Variants in ERC2 observed in about 807,000 individuals in gnomAD.
The protein encoded by ERC2 is ERC protein 2.
A neutral mutation model predicts 114.8 loss-of-function variants in ERC2; 42 were observed. The observed-to-expected ratio is 0.37, with a 90% CI of 0.29 to 0.47. The LOEUF is 0.47. Among genes scored for constraint, ERC2 ranks in the 20% least tolerant of loss-of-function variants. The probability of loss-of-function intolerance (pLI) is 0.99; values close to 1 mark genes in which losing one functional copy is unlikely to be tolerated. For missense variants in ERC2, 939 were observed against 1,150.7 expected, an observed-to-expected ratio of 0.82 and a Z score of 2.66; for synonymous variants, 454 against 425.5, an observed-to-expected ratio of 1.07 and a Z score of -0.82.
At chr3:55,741,356 T>C (rs2065953923) in intron 14 of ERC2, among the ~76,000 whole-genome samples, 1 of 151,960 alleles carries the variant, frequency 6.6e-6, no homozygotes, top group African/African-American at 2.4e-5. Flanking sequence ...AAAACTAAAA[T>C]ACCACCAGTT....
At chr3:55,699,638 T>A in intron 15 of ERC2, 126 bp from the exon 16 acceptor site, 2 of 1,087,934 alleles carry the variant, frequency 1.8e-6, no homozygotes, top group Non-Finnish European at 2.5e-6. Context: ...TCACTGTTAG[T>A]CAAGTTGAAA....
In ERC2 at chr3:55,951,594, T is replaced by A. The variant is rs568201037; in HGVS notation, c.2268-1034A>T. ...GCAACCATGTCCACAGCAGCTGTCATAAATCTAATCCAACACATGAGGAGG... is the reference window on the plus strand; with the variant it reads ...GCAACCATGTCCACAGCAGCTGTCAAAAATCTAATCCAACACATGAGGAGG... On this transcript the variant is annotated intron_variant, in intron 12 of 17. Coordinates refer to ENST00000288221, the MANE Select transcript of ERC2 (RefSeq NM_015576.3). Among the ~76,000 whole-genome samples the A allele has an allele frequency of 8.6e-4, 131 of 152,238 alleles. 1 individual carries two copies. Among genetic ancestry groups the A allele is most frequent in the African/African-American group, 3.0e-3 (126 of 41,548 alleles).
chr3:55,623,416 G>T (rs1369828887), intron 17 of ERC2, among the ~76,000 whole-genome samples: 2 of 152,154 alleles, frequency 1.3e-5, no homozygotes, highest in Admixed American at 1.3e-4. Flanking sequence ...TCTCTTCAAA[G>T]AATCAGTATG....
chr3:55,681,676 T>C (rs1220958822), intron 17 of ERC2, among the ~76,000 whole-genome samples: 1 of 152,244 alleles, frequency 6.6e-6, no homozygotes, highest in East Asian at 1.9e-4. Flanking sequence ...TATTACAGCA[T>C]ACTAAAGTAG....
chr3:56,171,088 T>G (rs796225494), intron 4 of ERC2, among the ~76,000 whole-genome samples: 36 of 152,220 alleles, frequency 2.4e-4, no homozygotes, highest in African/African-American at 8.4e-4. Flanking sequence ...TAATTTTAAA[T>G]TCTATCAAGG....
At chr3:56,339,044 T>C (rs1404978748) in intron 2 of ERC2, among the ~76,000 whole-genome samples, 2 of 152,212 alleles carry the variant, frequency 1.3e-5, no homozygotes, top group Non-Finnish European at 2.9e-5. Context: ...GTTCCACCTC[T>C]GATGTCTTGA....
At chr3:56,145,625 C>T (rs1182336877) in intron 5 of ERC2, among the ~76,000 whole-genome samples, 1 of 152,160 alleles carries the variant, frequency 6.6e-6, no homozygotes, top group Non-Finnish European at 1.5e-5. Context: ...AGACAATGTT[C>T]ATGTGCCAAA....
chr3:55,561,372 G>A (rs2056005273), intron 17 of ERC2, among the ~76,000 whole-genome samples: 1 of 152,128 alleles, frequency 6.6e-6, no homozygotes, highest in Non-Finnish European at 1.5e-5. Context: ...ACCCCTCAGA[G>A]GCTGTGGGTG....
chr3:55,793,057 T>A (rs767321163), intron 14 of ERC2, among the ~76,000 whole-genome samples: 18 of 152,126 alleles, frequency 1.2e-4, no homozygotes, highest in Non-Finnish European at 1.8e-4. Flanking sequence ...GGATGCAATT[T>A]ATTTACTTAT....
chr3:56,018,930 A>C lies in ERC2; in HGVS notation c.1743T>G (p.Thr581=). 3.1e-6 allele frequency: 5 copies of C among 1,613,264 alleles called. No homozygotes were observed. The highest frequency in any genetic ancestry group is 4.2e-6 in the Non-Finnish European group (5 of 1,179,496). ...GAGCTTCCTCTAGCGTCGCCAGTGC[A>C]GTATCTGTATTACTGGAATCCGTCT... is the stretch of plus-strand genomic sequence containing the variant. ...SLQTDSSNTD[T]ALATLEEALS... Residue 581 remains threonine (T), a synonymous_variant, in exon 8 of 18, where the codon ACT becomes ACG. Transcript: ENST00000288221.
chr3:55,783,708 GA>G (rs5849109), intron 14 of ERC2, among the ~76,000 whole-genome samples: 10,335 of 150,952 alleles, frequency 0.068, 571 homozygotes, highest in African/African-American at 0.15. Flanking sequence ...TGAGAATATA[GA>G]AAAAAAAATA....
intron 15 of ERC2, among the ~76,000 whole-genome samples, chr3:55,730,752 G>C (rs1489350853): frequency 3.3e-5 from 5 of 152,204 alleles, no homozygotes; most frequent in African/African-American, 1.2e-4. Flanking sequence ...CATGCCTGCT[G>C]AGGTGGGAGG....
At chr3:55,591,751 A>G (rs748040362) in intron 17 of ERC2, among the ~76,000 whole-genome samples, 1 of 152,258 alleles carries the variant, frequency 6.6e-6, no homozygotes, top group East Asian at 1.9e-4. Flanking sequence ...TTTCTTTGCC[A>G]TCAGGCACCC....
chr3:55,982,834 T>A (rs897964), intron 12 of ERC2, among the ~76,000 whole-genome samples: 1 of 152,058 alleles, frequency 6.6e-6, no homozygotes, highest in East Asian at 1.9e-4. Flanking sequence ...GACCTCTGAG[T>A]TCTGGGAGGA....
chr3:55,954,081 T>A (rs1406455315), intron 12 of ERC2, among the ~76,000 whole-genome samples: 10 of 50,358 alleles, frequency 2.0e-4, no homozygotes, highest in African/African-American at 3.4e-4. Flanking sequence ...CTCCATTATT[T>A]AAAAAAAAAA....
intron 2 of ERC2, among the ~76,000 whole-genome samples, chr3:56,354,641 C>T (rs1212422873): frequency 1.3e-5 from 2 of 152,154 alleles, no homozygotes. Flanking sequence ...CAAGATAAAC[C>T]TCTATGCCAT....
intron 14 of ERC2, among the ~76,000 whole-genome samples, chr3:55,843,224 G>T (rs932716863): frequency 3.9e-4 from 60 of 152,146 alleles, no homozygotes; most frequent in Non-Finnish European, 1.9e-4. Flanking sequence ...TCTTCTCATG[G>T]TTGGAGCACA....
In ERC2 at chr3:56,307,268, C is replaced by A. The variant is rs542493164; in HGVS notation, c.658-10833G>T. Among the ~76,000 whole-genome samples the A allele has an allele frequency of 2.6e-5, 4 of 152,338 alleles. No individual in the cohort carries two copies. The East Asian group carries it at 7.7e-4, about 29-fold the overall frequency. ...CTGAAATCATCACCTACCAGGTCAA[C>A]AAGAAAAATGTATATATTTTTTGCC... On this transcript the variant is annotated intron_variant, in intron 2 of 17. Transcript: ENST00000288221.
At chr3:56,259,456 G>A (rs566283783) in intron 3 of ERC2, among the ~76,000 whole-genome samples, 1 of 152,154 alleles carries the variant, frequency 6.6e-6, no homozygotes, top group Middle Eastern at 3.4e-3. Flanking sequence ...TCCTGTGTAA[G>A]TAGCCAATTT....
Sources: gnomAD v4.1 joint callset for allele counts (sites outside exome capture counted in the v4.1 genomes callset) on GRCh38, gnomAD v4.1.1 for gene constraint, MANE v1.5 for transcripts, NCBI Gene and HGNC (gene_info 2026-07-23, HGNC 2026-07-21) for gene names.